Variants in SLC39A11 observed in about 807,000 individuals in gnomAD.
SLC39A11 encodes solute carrier family 39 member 11.
In SLC39A11, 33 loss-of-function variants were observed where a neutral mutation model predicts 36.1. That is an observed-to-expected ratio of 0.91 (90% CI 0.69 to 1.22). The LOEUF (loss-of-function observed/expected upper bound fraction) is 1.22, where lower values mean the gene tolerates loss of function less well. Among genes scored for constraint, SLC39A11 ranks in the 50% most tolerant of loss-of-function variants. The pLI is 0.00. For synonymous variants in SLC39A11, 166 were observed against 170.3 expected (o/e 0.97, Z 0.20); for missense variants, 432 against 430.3 (o/e 1.00, Z -0.03).
intron 5 of SLC39A11, among the ~76,000 whole-genome samples, chr17:72,882,026 A>C (rs2081216258): frequency 6.6e-6 from 1 of 152,208 alleles, no homozygotes; most frequent in Non-Finnish European, 1.5e-5. Context: ...GCACTCCAGA[A>C]TATGACATTC....
intron 7 of SLC39A11, among the ~76,000 whole-genome samples, chr17:72,702,398 G>A (rs1598392702): frequency 1.3e-5 from 2 of 152,128 alleles, no homozygotes; most frequent in Non-Finnish European, 1.5e-5. Context: ...GACATTTTTG[G>A]TTGTCACAAC....
intron 6 of SLC39A11, among the ~76,000 whole-genome samples, chr17:72,782,455 C>A (rs1178156362): frequency 6.6e-6 from 1 of 152,132 alleles, no homozygotes; most frequent in Non-Finnish European, 1.5e-5. Flanking sequence ...AGTCCCTTGG[C>A]ACACACTTTC....
At chr17:72,721,150 G>A (rs1403175027) in intron 7 of SLC39A11, among the ~76,000 whole-genome samples, 2 of 146,826 alleles carry the variant, frequency 1.4e-5, no homozygotes, top group African/African-American at 2.6e-5. Flanking sequence ...AGGCTGAAGC[G>A]CAGCAGCGCG....
At chr17:72,711,565 T>C (rs1313222596) in intron 7 of SLC39A11, among the ~76,000 whole-genome samples, 2 of 152,240 alleles carry the variant, frequency 1.3e-5, no homozygotes, top group South Asian at 4.1e-4. Context: ...AAATTTGGAT[T>C]CTGTTACAAA....
At chr17:72,896,326 T>G (rs955876416) in intron 5 of SLC39A11, among the ~76,000 whole-genome samples, 4 of 149,608 alleles carry the variant, frequency 2.7e-5, no homozygotes, top group African/African-American at 9.8e-5. Flanking sequence ...CTCAACCTCC[T>G]GAGTAACTGG....
At chr17:72,697,280 G>A (rs1437193850) in intron 7 of SLC39A11, among the ~76,000 whole-genome samples, 5 of 151,926 alleles carry the variant, frequency 3.3e-5, no homozygotes, top group Non-Finnish European at 7.4e-5. Flanking sequence ...ATGGGGTTTC[G>A]CCATGTTGCC....
rs1308048291 is a variant in SLC39A11 at position 72,900,128 on chromosome 17, AAG to A, written c.430+47622_430+47623del. On this transcript the variant is annotated intron_variant, in intron 5 of 9. Transcript: ENST00000255559. The stretch of plus-strand genomic sequence containing the variant: ...GAAAGAAAAAGAAAGAAAGAAAAGA[AAG>A]AAAGAAAGAAAAAGAAAGAAAGAAA... Among the ~76,000 whole-genome samples, 467 of 111,076 alleles carry A rather than the reference AAG, an allele frequency of 4.2e-3. 67 individuals carry two copies. The highest frequency in any genetic ancestry group is 0.023 in the African/African-American group (448 of 19,252). The allele number at this position is 111,076 out of a possible 152,430, so 72.9% of individuals were successfully genotyped here.
chr17:73,012,738 C>CT (rs2090592938), intron 4 of SLC39A11, among the ~76,000 whole-genome samples: 4 of 151,960 alleles, frequency 2.6e-5, no homozygotes, highest in Middle Eastern at 3.2e-3. Context: ...TGTTCCCATC[C>CT]TTATGACCAT....
intron 4 of SLC39A11, among the ~76,000 whole-genome samples, chr17:73,023,068 G>T (rs2058407941): frequency 6.6e-6 from 1 of 152,120 alleles, no homozygotes; most frequent in African/African-American, 2.4e-5. Context: ...GTATTAATTA[G>T]TACTGTGTAT....
At chr17:72,778,213 C>G (rs1195389442) in intron 6 of SLC39A11, among the ~76,000 whole-genome samples, 1 of 152,174 alleles carries the variant, frequency 6.6e-6, no homozygotes, top group African/African-American at 2.4e-5. Flanking sequence ...CCCATTGTCT[C>G]ATTTATCCCA....
At chr17:72,925,218 T>C (rs1215523567) in intron 5 of SLC39A11, among the ~76,000 whole-genome samples, 1 of 152,134 alleles carries the variant, frequency 6.6e-6, no homozygotes, top group Non-Finnish European at 1.5e-5. Context: ...CCAGGTCACT[T>C]ATTTTGGTTC....
In SLC39A11 at chr17:72,650,419, A is replaced by G. The variant is rs117039195; in HGVS notation, c.672-1151T>C. Among the ~76,000 whole-genome samples the G allele has an allele frequency of 1.4e-4, 22 of 152,364 alleles. No individual in the cohort carries two copies. In the East Asian group the frequency reaches 2.5e-3, roughly 17 times the overall value. On this transcript the variant is annotated intron_variant, in intron 7 of 9. Transcript: ENST00000255559. ...GGAGACAACACAGGCATGTACATGA[A>G]GAACCCTTATTGTGGATGCTGCAAA...
At chr17:72,962,540 T>C (rs1305047476) in intron 4 of SLC39A11, among the ~76,000 whole-genome samples, 1 of 152,144 alleles carries the variant, frequency 6.6e-6, no homozygotes, top group Non-Finnish European at 1.5e-5. Flanking sequence ...GGTTTTTTGC[T>C]AATTTTTTTT....
chr17:73,085,819 G>A (rs958041981), intron 2 of SLC39A11, among the ~76,000 whole-genome samples: 2 of 152,082 alleles, frequency 1.3e-5, no homozygotes, highest in Non-Finnish European at 2.9e-5. Context: ...GTTCGGCAGT[G>A]CTAAGAGCCC....
intron 5 of SLC39A11, among the ~76,000 whole-genome samples, chr17:72,938,453 T>C (rs563622269): frequency 1.3e-5 from 2 of 152,332 alleles, no homozygotes; most frequent in East Asian, 3.9e-4. Context: ...TCCAGCCTTC[T>C]GTTCCTTATT....
At chr17:72,706,084 T>C (rs1266156784) in intron 7 of SLC39A11, among the ~76,000 whole-genome samples, 1 of 152,148 alleles carries the variant, frequency 6.6e-6, no homozygotes, top group Non-Finnish European at 1.5e-5. Context: ...GAGCCTCAGG[T>C]GTTTGGGACC....
chr17:72,652,337 T>A (rs1233432078), intron 7 of SLC39A11, among the ~76,000 whole-genome samples: 2 of 152,216 alleles, frequency 1.3e-5, no homozygotes, highest in Non-Finnish European at 2.9e-5. Context: ...TAGTTGAAGT[T>A]TGGGCTTTGC....
intron 4 of SLC39A11, among the ~76,000 whole-genome samples, chr17:72,973,798 C>G (rs898621138): frequency 1.3e-5 from 2 of 152,106 alleles, no homozygotes; most frequent in Non-Finnish European, 2.9e-5. Context: ...TGGGCTCAAG[C>G]GATCCACGTA....
At chr17:73,035,227 G>A (rs901257522) in intron 3 of SLC39A11, among the ~76,000 whole-genome samples, 10 of 152,114 alleles carry the variant, frequency 6.6e-5, no homozygotes, top group Admixed American at 1.3e-4. Context: ...CTCCATCTCC[G>A]CCTCCCAGGT....
Sources: allele counts gnomAD v4.1 joint callset (sites outside exome capture counted in the v4.1 genomes callset), GRCh38; gene constraint gnomAD v4.1.1; transcripts MANE v1.5; gene names NCBI Gene and HGNC (gene_info 2026-07-23, HGNC 2026-07-21).